Variants in CNGB3 observed in about 807,000 individuals in gnomAD.
CNGB3 encodes the protein cyclic nucleotide gated channel subunit beta 3.
A neutral mutation model predicts 92.8 loss-of-function variants in CNGB3; 86 were observed. That is an observed-to-expected ratio of 0.93 (90% CI 0.78 to 1.11). The LOEUF (loss-of-function observed/expected upper bound fraction) is 1.11, where lower values mean the gene tolerates loss of function less well. Ranked by LOEUF, CNGB3 falls within the 50% of genes least tolerant of loss-of-function variation. The probability of loss-of-function intolerance (pLI) is 0.00; values close to 1 mark genes in which losing one functional copy is unlikely to be tolerated. For missense variants in CNGB3, 1,026 were observed against 956.8 expected (o/e 1.07, Z -0.95); for synonymous variants, 333 against 332.7 (o/e 1.00, Z -0.01).
At chr8:86,660,044 C>T (rs1823603906) in intron 6 of CNGB3, 1 of 329,824 alleles carries the variant, frequency 3.0e-6, no homozygotes, top group Non-Finnish European at 6.2e-6. Context: ...GAGACTGGCA[C>T]CAGGGGAAGA....
At chr8:86,580,707 T>C (rs1821746869) in intron 15 of CNGB3, among the ~76,000 whole-genome samples, 1 of 152,228 alleles carries the variant, frequency 6.6e-6, no homozygotes, top group Admixed American at 6.5e-5. Flanking sequence ...ATAAAAAGTC[T>C]GTCGTTACCG....
In CNGB3 at chr8:86,574,883, G is replaced by A. The variant is rs1021150109; in HGVS notation, c.*921C>T. On this transcript the variant is annotated 3_prime_UTR_variant, in exon 18 of 18. Coordinates refer to ENST00000320005, the MANE Select transcript of CNGB3 (RefSeq NM_019098.5). ...TAGGTTCCGGAAATTGTGGGGATAT[G>A]TCAATCTGACATGTGTAGAGTCTGC... is the stretch of plus-strand genomic sequence containing the variant. 6.6e-6 allele frequency: 1 copy of A among 150,820 alleles called. No homozygotes were observed. Among genetic ancestry groups the A allele is most frequent in the African/African-American group, 2.4e-5 (1 of 41,074 alleles). The allele number at this position is 150,820 out of a possible 1,614,324, so 9.3% of individuals were successfully genotyped here. A position where few individuals can be genotyped will look rare whatever the true frequency, so the allele number is the denominator to read the frequency against.
intron 2 of CNGB3, among the ~76,000 whole-genome samples, chr8:86,735,664 T>C (rs1397550095): frequency 1.3e-5 from 2 of 152,196 alleles, no homozygotes; most frequent in Non-Finnish European, 2.9e-5. Flanking sequence ...GTCCCAGCTC[T>C]TGCCTTTGAC....
chr8:86,738,979 A>G (rs1825292990), intron 2 of CNGB3, among the ~76,000 whole-genome samples: 1 of 152,208 alleles, frequency 6.6e-6, no homozygotes, highest in South Asian at 2.1e-4. Context: ...AAAGAATGAT[A>G]GTACCAGGGG....
At chr8:86,694,590 G>C (rs1824407198) in intron 3 of CNGB3, among the ~76,000 whole-genome samples, 1 of 151,826 alleles carries the variant, frequency 6.6e-6, no homozygotes, top group African/African-American at 2.4e-5. Flanking sequence ...AGACGGGGCG[G>C]CCGGGCAGAG....
intron 3 of CNGB3, among the ~76,000 whole-genome samples, chr8:86,719,149 T>C (rs952741417): frequency 4.0e-5 from 6 of 151,586 alleles, no homozygotes; most frequent in Non-Finnish European, 8.8e-5. Flanking sequence ...CTATTTAACA[T>C]AGTACTGAAA....
intron 3 of CNGB3, among the ~76,000 whole-genome samples, chr8:86,706,174 G>A (rs1023732483): frequency 6.6e-6 from 1 of 151,974 alleles, no homozygotes; most frequent in Non-Finnish European, 1.5e-5. Context: ...ACTTTTCCAG[G>A]TCTCATTAAA....
chr8:86,663,714 C>T (rs979180422), intron 6 of CNGB3, among the ~76,000 whole-genome samples: 2 of 152,162 alleles, frequency 1.3e-5, no homozygotes, highest in African/African-American at 2.4e-5. Flanking sequence ...TGTGCATAGT[C>T]TTCTTACCAA....
intron 3 of CNGB3, among the ~76,000 whole-genome samples, chr8:86,711,508 GT>G (rs1460956997): frequency 6.6e-6 from 1 of 152,104 alleles, no homozygotes; most frequent in Non-Finnish European, 1.5e-5. Context: ...AGACTCAGAA[GT>G]TCTGTCAGCT....
rs146999298 is a variant in CNGB3, at chr8:86,575,067, A to G, written c.*737T>C. On this transcript the variant is annotated 3_prime_UTR_variant, in exon 18 of 18. Transcript: ENST00000320005. ...CCCTTGAGCCAGATGAGTTAGGTAG[A>G]TTGGTGTCTTTTAAGTTGGTTAGAA... The G allele has an allele frequency of 3.5e-4, 53 of 152,312 alleles. 1 individual carries two copies. The highest frequency in any genetic ancestry group is 1.2e-3 in the African/African-American group (51 of 41,552). 9.4% of individuals were successfully genotyped at this position (152,312 alleles called of 1,614,324 possible).
chr8:86,702,384 G>A (rs1056742617), intron 3 of CNGB3, among the ~76,000 whole-genome samples: 2 of 152,120 alleles, frequency 1.3e-5, no homozygotes, highest in Non-Finnish European at 2.9e-5. Flanking sequence ...TATAGGTAAT[G>A]AACAAACATA....
At chr8:86,629,996 T>C (rs909224261) in intron 11 of CNGB3, among the ~76,000 whole-genome samples, 1 of 152,190 alleles carries the variant, frequency 6.6e-6, no homozygotes, top group African/African-American at 2.4e-5. Context: ...TTTTGAGCCT[T>C]TTCTGCTTAT....
At chr8:86,653,072 G>A (rs779677377) in intron 7 of CNGB3, among the ~76,000 whole-genome samples, 2 of 151,820 alleles carry the variant, frequency 1.3e-5, no homozygotes, top group African/African-American at 2.4e-5. Context: ...GGGATTTTTC[G>A]GCTCCCTTAT....
chr8:86,718,538 GA>G (rs903522699), intron 3 of CNGB3, among the ~76,000 whole-genome samples: 4 of 151,514 alleles, frequency 2.6e-5, no homozygotes, highest in Non-Finnish European at 4.4e-5. Context: ...AAATTGCCAA[GA>G]AAAAAAAGTC....
chr8:86,720,839 T>TACACACAC (rs4024071), intron 3 of CNGB3, among the ~76,000 whole-genome samples: 1,554 of 129,862 alleles, frequency 0.012, 12 homozygotes, highest in East Asian at 0.02. Flanking sequence ...TATATATGTA[T>TACACACAC]ACACACACAC....
At chr8:86,675,104 G>T (rs2131622515) in intron 3 of CNGB3, among the ~76,000 whole-genome samples, 1 of 152,112 alleles carries the variant, frequency 6.6e-6, no homozygotes, top group South Asian at 2.1e-4. Context: ...GGTTACAAGT[G>T]TCCACCACCA....
intron 3 of CNGB3, 52 bp from the exon 4 acceptor site, chr8:86,671,150 T>C (rs760687129): frequency 7.5e-6 from 12 of 1,590,874 alleles, no homozygotes; most frequent in African/African-American, 1.3e-5. Flanking sequence ...GAAATAGATA[T>C]AAGGGAAAGA....
chr8:86,633,079 T>C (rs552774584), intron 10 of CNGB3, among the ~76,000 whole-genome samples, 186 bp from the exon 11 acceptor site: 2 of 152,322 alleles, frequency 1.3e-5, no homozygotes, highest in East Asian at 3.9e-4. Flanking sequence ...TGTGAAATGA[T>C]GAAACAAGCC....
At chr8:86,725,178 A>G (rs767052387) in intron 3 of CNGB3, among the ~76,000 whole-genome samples, 1 of 152,204 alleles carries the variant, frequency 6.6e-6, no homozygotes, top group Non-Finnish European at 1.5e-5. Context: ...ACATATTAAA[A>G]TTAATGCTAG....
Sources: gnomAD v4.1 joint callset for allele counts (sites outside exome capture counted in the v4.1 genomes callset) on GRCh38, gnomAD v4.1.1 for gene constraint, MANE v1.5 for transcripts, NCBI Gene and HGNC (gene_info 2026-07-23, HGNC 2026-07-21) for gene names.